The following LHPP variants were observed in gnomAD, a reference collection of about 807,000 sequenced individuals.
LHPP encodes the protein phospholysine phosphohistidine inorganic pyrophosphate phosphatase.
Under a neutral mutation model 30.3 loss-of-function variants are expected in LHPP, and 24 were observed. The ratio of observed to expected loss-of-function variants is 0.79; its 90% CI spans 0.57 to 1.11. LHPP has a LOEUF of 1.11. Ranked by LOEUF, LHPP falls within the 50% of genes most tolerant of loss-of-function variation. The probability of loss-of-function intolerance (pLI) is 0.00; values close to 1 mark genes in which losing one functional copy is unlikely to be tolerated. For missense variants in LHPP, 356 were observed against 367.2 expected, an observed-to-expected ratio of 0.97 and a Z score of 0.25; for synonymous variants, 150 against 157.1, an observed-to-expected ratio of 0.95 and a Z score of 0.34.
chr10:124,572,772 TAAAG>T (rs1268296777), intron 6 of LHPP, among the ~76,000 whole-genome samples: 1 of 151,868 alleles, frequency 6.6e-6, no homozygotes, highest in Non-Finnish European at 1.5e-5. Context: ...GTTCACATAA[TAAAG>T]AAATCCAGAG....
intron 6 of LHPP, among the ~76,000 whole-genome samples, chr10:124,532,516 G>A (rs2133933281): frequency 6.6e-6 from 1 of 152,368 alleles, no homozygotes; most frequent in South Asian, 2.1e-4. Flanking sequence ...TCCTTCCACA[G>A]CAGGGAGAAG....
At chr10:124,532,495 C>T (rs747139644) in intron 6 of LHPP, among the ~76,000 whole-genome samples, 10 of 152,354 alleles carry the variant, frequency 6.6e-5, no homozygotes, top group Admixed American at 1.3e-4. Flanking sequence ...TGCCTTTACA[C>T]GTTCATGCCT....
At position 124,496,976 on chromosome 10, in the gene LHPP, G is replaced by A. The variant is rs777680049; in HGVS notation, c.483G>A (p.Glu161=). ...ISLGKGRYYK[E]TSGLMLDVGP... is the part of the protein sequence containing the mutation. ...TCTCTCCTAGGCGTTACTACAAGGA[G>A]ACCTCTGGCCTGATGCTGGACGTTG... is the stretch of plus-strand genomic sequence containing the variant. The change falls in exon 4 of 7, where the codon GAG becomes GAA. Residue 161 remains glutamate (E), a synonymous_variant. Transcript: ENST00000368842. This position sits in a 1 kb window ranked among gnomAD's most constrained non-coding sequence, Gnocchi z 4.3. The A allele has an allele frequency of 6.2e-7, 1 of 1,614,108 alleles. No individual in the cohort carries two copies. Among genetic ancestry groups the A allele is most frequent in the Non-Finnish European group, 8.5e-7 (1 of 1,179,960 alleles).
At chr10:124,558,454 G>A (rs1016677395) in intron 6 of LHPP, among the ~76,000 whole-genome samples, 5 of 152,244 alleles carry the variant, frequency 3.3e-5, no homozygotes, top group African/African-American at 9.6e-5. Context: ...GAGTCTGGAC[G>A]TGGCCCTCTG....
chr10:124,550,148 G>A lies in LHPP; in HGVS notation c.716+32877G>A, dbSNP rs76590392. On this transcript the variant is annotated intron_variant, in intron 6 of 6. Transcript: ENST00000368842. ...CTCCTTTGCGTGCTGTGAACTGGGC[G>A]TGAACACCTCCTGTGATGGGGAGCT... 1.6e-4 allele frequency among the ~76,000 whole-genome samples: 25 copies of A among 152,338 alleles called. No individual in the cohort carries two copies. In the East Asian group the frequency reaches 3.3e-3, roughly 20 times the overall value.
chr10:124,551,565 G>T (rs926322328), intron 6 of LHPP, among the ~76,000 whole-genome samples: 1 of 152,190 alleles, frequency 6.6e-6, no homozygotes, highest in African/African-American at 2.4e-5. Context: ...TCAGGTGGTG[G>T]GAGGCCATCC....
At chr10:124,546,671 A>G (rs1305911924) in intron 6 of LHPP, among the ~76,000 whole-genome samples, 1 of 151,314 alleles carries the variant, frequency 6.6e-6, no homozygotes, top group African/African-American at 2.4e-5. Flanking sequence ...CAGCCTCCCA[A>G]AGTGCTGGAA....
At chr10:124,534,803 C>A (rs1215367643) in intron 6 of LHPP, among the ~76,000 whole-genome samples, 1 of 152,076 alleles carries the variant, frequency 6.6e-6, no homozygotes, top group Admixed American at 6.5e-5. Context: ...TTGGCTGACA[C>A]GAGGTGGAGA....
intron 3 of LHPP, among the ~76,000 whole-genome samples, chr10:124,495,347 A>G (rs967589756): frequency 6.6e-6 from 1 of 152,198 alleles, no homozygotes; most frequent in Admixed American, 6.5e-5. Flanking sequence ...CCTTCAACAA[A>G]CAGACTCCAA....
Position 124,510,207 on chromosome 10 carries a change from C to T in LHPP, c.625-6973C>T, listed in dbSNP as rs994192357. Among the ~76,000 whole-genome samples, 4 of 152,240 alleles carry T rather than the reference C, an allele frequency of 2.6e-5. No individual in the cohort carries two copies. Among genetic ancestry groups the T allele is most frequent in the Admixed American group, 2.6e-4 (4 of 15,280 alleles). ...TTCCCCTGACAGCGCACCTCCTGAC[C>T]TCTATCTTCTTGCCAGTGATTTTTT... On this transcript the variant is annotated intron_variant, in intron 5 of 6. Coordinates refer to ENST00000368842, the MANE Select transcript of LHPP (RefSeq NM_022126.4). The surrounding 1 kb of genome is among the most constrained non-coding windows in gnomAD (Gnocchi z 4.0).
At chr10:124,574,359 C>T (rs1948630097) in intron 6 of LHPP, among the ~76,000 whole-genome samples, 1 of 152,194 alleles carries the variant, frequency 6.6e-6, no homozygotes, top group South Asian at 2.1e-4. Flanking sequence ...TCGCTCGCCA[C>T]CAAGAGCAGG....
rs532066001 is a variant in LHPP at position 124,603,663 on chromosome 10, C to G, written c.717-9601C>G. On this transcript the variant is annotated intron_variant, in intron 6 of 6. Coordinates refer to ENST00000368842, the MANE Select transcript of LHPP (RefSeq NM_022126.4). ...GAGGGCGGGTCTCCAAGCTGGGAGCCTCCTCGCGGCCCTCGCCTCGGCACT... is the reference window on the plus strand; with the variant it reads ...GAGGGCGGGTCTCCAAGCTGGGAGCGTCCTCGCGGCCCTCGCCTCGGCACT... 9.8e-4 allele frequency among the ~76,000 whole-genome samples: 150 copies of G among 152,350 alleles called. 1 individual carries two copies. In the South Asian group the frequency reaches 0.014, roughly 14 times the overall value.
Position 124,593,028 on chromosome 10 carries a change from C to T in LHPP, c.717-20236C>T, listed in dbSNP as rs1457963030. The stretch of plus-strand genomic sequence containing the variant: ...CTATGATTGATGAGGTGGCCTCAGT[C>T]GGCGTTTCGGGGAACCGGGTACAAG... On this transcript the variant is annotated intron_variant, in intron 6 of 6. Coordinates refer to ENST00000368842, the MANE Select transcript of LHPP (RefSeq NM_022126.4). The surrounding 1 kb of genome is among the most constrained non-coding windows in gnomAD (Gnocchi z 4.9). 2.0e-5 allele frequency among the ~76,000 whole-genome samples: 3 copies of T among 152,190 alleles called. No individual in the cohort carries two copies. The highest frequency in any genetic ancestry group is 7.2e-5 in the African/African-American group (3 of 41,452).
intron 6 of LHPP, among the ~76,000 whole-genome samples, chr10:124,543,166 C>T (rs1044453623): frequency 6.6e-6 from 1 of 152,242 alleles, no homozygotes; most frequent in Non-Finnish European, 1.5e-5. Context: ...TGCCCCCGTT[C>T]CAGCTCGGGC....
At chr10:124,479,163 TG>T (rs1953049011) in intron 1 of LHPP, among the ~76,000 whole-genome samples, 1 of 150,696 alleles carries the variant, frequency 6.6e-6, no homozygotes, top group Admixed American at 6.6e-5. Context: ...CGTGCTGAGG[TG>T]GGGGCCATGG....
At chr10:124,589,856 G>T (rs566993727) in intron 6 of LHPP, among the ~76,000 whole-genome samples, 1 of 152,110 alleles carries the variant, frequency 6.6e-6, no homozygotes, top group African/African-American at 2.4e-5. Context: ...CTCCAGCCCC[G>T]CTCGGCTCTG....
chr10:124,578,236 G>A (rs1028103819), intron 6 of LHPP, among the ~76,000 whole-genome samples: 8 of 152,240 alleles, frequency 5.3e-5, no homozygotes, highest in African/African-American at 1.7e-4. Context: ...ATTTGCAAGG[G>A]AGTAGAACGA....
At chr10:124,612,361 C>T (rs1400434452) in intron 6 of LHPP, among the ~76,000 whole-genome samples, 1 of 152,128 alleles carries the variant, frequency 6.6e-6, no homozygotes, top group Non-Finnish European at 1.5e-5. Flanking sequence ...GCCAAGATCG[C>T]ACCATTGCAC....
At position 124,613,277 on chromosome 10, in the gene LHPP, C is replaced by G; in HGVS notation, c.730C>G (p.His244Asp). 6.2e-7 allele frequency: 1 copy of G among 1,613,266 alleles called. No individual in the cohort carries two copies. The highest frequency in any genetic ancestry group is 1.1e-5 in the South Asian group (1 of 91,078). ...RTGKFRPSDE[H>D]HPEVKADGYV... is the part of the protein sequence containing the mutation. Reference sequence around the variant, plus strand: ...CATCCTCTCCAGGCCCAGTGACGAGCACCATCCGGAAGTGAAGGCTGATGG... The same window carrying G: ...CATCCTCTCCAGGCCCAGTGACGAGGACCATCCGGAAGTGAAGGCTGATGG... Residue 244 changes from histidine (H) to aspartate (D), a missense_variant, in exon 7 of 7, where the codon CAC (histidine) becomes GAC (aspartate). His to Asp is a moderately conservative substitution (Grantham distance 81, BLOSUM62 -1). Transcript: ENST00000368842.
Sources: allele counts gnomAD v4.1 joint callset (sites outside exome capture counted in the v4.1 genomes callset), GRCh38; gene constraint gnomAD v4.1.1; non-coding constraint Gnocchi (gnomAD v3.1); transcripts MANE v1.5; gene names NCBI Gene and HGNC (gene_info 2026-07-23, HGNC 2026-07-21).